AFAP1L2: variants seen among roughly 807,000 people sequenced by gnomAD.
The protein encoded by AFAP1L2 is actin filament associated protein 1 like 2.
In AFAP1L2, 46 loss-of-function variants were observed where a neutral mutation model predicts 99.3. That is an observed-to-expected ratio of 0.46 (90% confidence interval 0.37 to 0.59). AFAP1L2 has a LOEUF of 0.59. Ranked by LOEUF, AFAP1L2 falls within the 20% of genes least tolerant of loss-of-function variation. AFAP1L2 has a pLI of 0.00. For missense variants in AFAP1L2, 959 were observed against 1,034.9 expected (o/e 0.93, Z 1.01); for synonymous variants, 397 against 419.1 (o/e 0.95, Z 0.64).
At chr10:114,321,051 G>GT (rs1341746910) in intron 5 of AFAP1L2, among the ~76,000 whole-genome samples, 2 of 152,216 alleles carry the variant, frequency 1.3e-5, no homozygotes, top group African/African-American at 4.8e-5. Context: ...GAGGTGGCAG[G>GT]TAAGTGTGAA....
chr10:114,317,142 C>CGATTTTACTAAGAAGCATATTT (rs1554893163), intron 5 of AFAP1L2, among the ~76,000 whole-genome samples: 15 of 151,416 alleles, frequency 9.9e-5, no homozygotes, highest in African/African-American at 3.6e-4. Flanking sequence ...AAAATGTTGT[C>CGATTTTACTAAGAAGCATATTT]GATTTTACTA....
At chr10:114,355,252 C>G (rs1219713435) in intron 1 of AFAP1L2, among the ~76,000 whole-genome samples, 1 of 112,662 alleles carries the variant, frequency 8.9e-6, no homozygotes, top group African/African-American at 4.8e-5. Flanking sequence ...TCTTCTCGCT[C>G]TCTCTTTTTT....
chr10:114,328,465 G>A (rs1411572630), intron 4 of AFAP1L2, among the ~76,000 whole-genome samples: 2 of 152,166 alleles, frequency 1.3e-5, no homozygotes, highest in Admixed American at 6.5e-5. Context: ...GAGGAAGGGC[G>A]GGTTTTCTGT....
Position 114,300,537 on chromosome 10 carries a change from C to T in AFAP1L2, c.1696G>A (p.Asp566Asn). 2 of 1,614,128 alleles carry T rather than the reference C, an allele frequency of 1.2e-6. No homozygotes were observed. Among genetic ancestry groups the T allele is most frequent in the Non-Finnish European group, 1.7e-6 (2 of 1,180,020 alleles). ...GCCGGGAGGGCCTCAGTTGCATTGT[C>T]CAGGCAGGACAACGTCGGGGAGGAG... ...QASSPTLSCL[D>N]NATEALPADS... Residue 566 changes from aspartate to asparagine, a missense_variant, in exon 14 of 19, where the codon GAC becomes AAC. This residue lies in a region of AFAP1L2 where 576 missense variants were observed against 562.1 expected (regional missense o/e 1.02). Transcript: ENST00000304129.
chr10:114,380,395 A>G (rs1283328957), intron 1 of AFAP1L2, among the ~76,000 whole-genome samples: 4 of 152,202 alleles, frequency 2.6e-5, no homozygotes, highest in African/African-American at 2.4e-5. Flanking sequence ...GAAAAACTCT[A>G]CCTTTCCTCA....
rs2135585346 is a variant in AFAP1L2 at position 114,331,694 on chromosome 10, G to A, written c.315+109C>T. 5 of 754,908 alleles carry A rather than the reference G, an allele frequency of 6.6e-6. No homozygotes were observed. The East Asian group carries it at 1.0e-4, about 15-fold the overall frequency. 46.8% of individuals were successfully genotyped at this position (754,908 alleles called of 1,614,324 possible). A position where few individuals can be genotyped will look rare whatever the true frequency, so the allele number is the denominator to read the frequency against. ...TGCCTTGTCCCAGTCCCTGAACACA[G>A]TAGCTGCTCAGAAAATGCCAGACAC... On this transcript the variant is annotated intron_variant, in intron 4 of 18. Transcript: ENST00000304129.
chr10:114,350,445 G>T (rs969569270), intron 1 of AFAP1L2, among the ~76,000 whole-genome samples: 2 of 152,194 alleles, frequency 1.3e-5, no homozygotes, highest in African/African-American at 4.8e-5. Context: ...TGCCTAGATA[G>T]TGCTTTGCTA....
intron 4 of AFAP1L2, chr10:114,326,064 AG>A: frequency 1.6e-6 from 2 of 1,283,336 alleles, no homozygotes; most frequent in Non-Finnish European, 1.0e-6. Context: ...GGACAAAGGG[AG>A]GAGTGAACCC....
At chr10:114,354,098 C>G (rs2050952757) in intron 1 of AFAP1L2, among the ~76,000 whole-genome samples, 1 of 152,154 alleles carries the variant, frequency 6.6e-6, no homozygotes, top group African/African-American at 2.4e-5. Context: ...GCGCCTGAGT[C>G]CTCAGTGCCA....
intron 1 of AFAP1L2, among the ~76,000 whole-genome samples, chr10:114,397,617 T>C (rs1020157202): frequency 6.6e-6 from 1 of 152,174 alleles, no homozygotes; most frequent in African/African-American, 2.4e-5. Flanking sequence ...GACACCAGAC[T>C]TTCAGTGGTA....
chr10:114,366,074 C>T (rs767547320), intron 1 of AFAP1L2, among the ~76,000 whole-genome samples: 11 of 152,088 alleles, frequency 7.2e-5, no homozygotes, highest in Non-Finnish European at 1.5e-4. Flanking sequence ...GTACTTGTAA[C>T]CATCTCTATC....
rs1445801846 is a variant in AFAP1L2, at chr10:114,300,375, G to A, written c.1789-13C>T. The A allele has an allele frequency of 1.2e-6, 2 of 1,614,188 alleles. No homozygotes were observed. Among genetic ancestry groups the A allele is most frequent in the Non-Finnish European group, 8.5e-7 (1 of 1,180,026 alleles). On this transcript the variant is annotated splice_polypyrimidine_tract_variant and intron_variant, in intron 14 of 18. Coordinates refer to ENST00000304129, the MANE Select transcript of AFAP1L2 (RefSeq NM_001001936.3). ...AACTCTCCAGCTGCTTTGGGGGAAA[G>A]CAGACCTGACTCAGCTGGCTGAAGG...
At chr10:114,397,426 G>C (rs1343823865) in intron 1 of AFAP1L2, among the ~76,000 whole-genome samples, 1 of 152,180 alleles carries the variant, frequency 6.6e-6, no homozygotes, top group East Asian at 1.9e-4. Context: ...GGTAAGTTAC[G>C]ATCTGCCAGT....
At chr10:114,339,309 C>T (rs1839257972) in intron 2 of AFAP1L2, among the ~76,000 whole-genome samples, 1 of 152,058 alleles carries the variant, frequency 6.6e-6, no homozygotes, top group Non-Finnish European at 1.5e-5. Flanking sequence ...TAGCCGGGCG[C>T]AGTGGCGGGC....
At chr10:114,327,949 C>T (rs1485980358) in intron 4 of AFAP1L2, among the ~76,000 whole-genome samples, 4 of 152,234 alleles carry the variant, frequency 2.6e-5, no homozygotes, top group African/African-American at 9.6e-5. Context: ...ACGGCAATGT[C>T]CTTTTAGGGA....
At chr10:114,398,754 C>T in intron 1 of AFAP1L2, 1 of 1,160,460 alleles carries the variant, frequency 8.6e-7, no homozygotes, top group Non-Finnish European at 1.1e-6. Context: ...CTCCCTCAAC[C>T]ATCCACCCAG....
chr10:114,294,295 AATAC>A (rs1264564320), downstream of AFAP1L2, among the ~76,000 whole-genome samples: 1 of 152,192 alleles, frequency 6.6e-6, no homozygotes, highest in African/African-American at 2.4e-5. Flanking sequence ...TATAATGGAA[AATAC>A]ATATTTCTCA....
At chr10:114,386,541 C>T (rs116563911) in intron 1 of AFAP1L2, among the ~76,000 whole-genome samples, 9 of 152,162 alleles carry the variant, frequency 5.9e-5, no homozygotes, top group East Asian at 1.9e-4. Flanking sequence ...GAATCAGGGC[C>T]GACAGGTGGG....
At chr10:114,354,111 G>A (rs2050954168) in intron 1 of AFAP1L2, among the ~76,000 whole-genome samples, 1 of 152,120 alleles carries the variant, frequency 6.6e-6, no homozygotes, top group Non-Finnish European at 1.5e-5. Flanking sequence ...CAGTGCCAGG[G>A]GCCAGAACCT....
Sources: allele counts gnomAD v4.1 joint callset (sites outside exome capture counted in the v4.1 genomes callset), GRCh38; gene constraint gnomAD v4.1.1; regional missense constraint gnomAD v4.1.1; transcripts MANE v1.5; gene names NCBI Gene and HGNC (gene_info 2026-07-23, HGNC 2026-07-21).